The following CCDC57 variants were observed in gnomAD, a reference collection of about 807,000 sequenced individuals.
CCDC57 encodes coiled-coil domain-containing protein 57.
CCDC57 carries 118 observed loss-of-function variants against 118.9 expected under a neutral mutation model. The observed-to-expected ratio is 0.99, with a 90% CI of 0.86 to 1.16. CCDC57 has a LOEUF of 1.16. Ranked by LOEUF, CCDC57 falls within the 50% of genes most tolerant of loss-of-function variation. The pLI is 0.00. For synonymous variants in CCDC57, 527 were observed against 532.9 expected (o/e 0.99, Z 0.15); for missense variants, 1,300 against 1,320.7 (o/e 0.98, Z 0.24).
chr17:82,160,873 C>CAAAAAAAAAAAAAAAAAAAAAAAAAAAA, intron 14 of CCDC57, among the ~76,000 whole-genome samples: 1 of 60,868 alleles, frequency 1.6e-5, no homozygotes, highest in Non-Finnish European at 2.9e-5. Context: ...GACTCTGTCT[C>CAAAAAAAAAAAAAAAAAAAAAAAAAAAA]AAAAAAAAAA....
intron 16 of CCDC57, among the ~76,000 whole-genome samples, chr17:82,150,929 G>GCACACCCAGAACCTGGTA (rs2041907506): frequency 3.2e-5 from 1 of 31,508 alleles, no homozygotes; most frequent in Non-Finnish European, 5.9e-5. Context: ...AGAACCAGGC[G>GCACACCCAGAACCTGGTA]CACACCCAGA....
intron 13 of CCDC57, among the ~76,000 whole-genome samples, chr17:82,170,560 G>A (rs2044558898): frequency 6.6e-6 from 1 of 151,580 alleles, no homozygotes; most frequent in African/African-American, 2.4e-5. Context: ...ATGCAGCGGG[G>A]GAGGAGTCAC....
At chr17:82,151,893 C>T in intron 15 of CCDC57, 120 bp from the exon 15 acceptor site, 1 of 789,522 alleles carries the variant, frequency 1.3e-6, no homozygotes, top group Non-Finnish European at 2.0e-6. Flanking sequence ...CTGGCTGTCA[C>T]TGGGTGACAT....
chr17:82,212,268 G>A lies in CCDC57; in HGVS notation c.-211+517C>T, dbSNP rs1327705062. ...CCCAATAATTTTTGTATTTTTAGTA[G>A]AGAGGGGGTTTCACCATGTTGGCCA... is the stretch of plus-strand genomic sequence containing the variant. On this transcript the variant is annotated intron_variant, in intron 1 of 19. Transcript: ENST00000665763. The surrounding 1 kb of genome is among the most constrained non-coding windows in gnomAD (Gnocchi z 4.1). Among the ~76,000 whole-genome samples, 1 of 152,086 alleles carries A rather than the reference G, an allele frequency of 6.6e-6. No homozygotes were observed. Among genetic ancestry groups the A allele is most frequent in the Non-Finnish European group, 1.5e-5 (1 of 68,034 alleles).
chr17:82,123,492 G>T, intron 19 of CCDC57, among the ~76,000 whole-genome samples: 1 of 151,834 alleles, frequency 6.6e-6, no homozygotes, highest in Non-Finnish European at 1.5e-5. Context: ...GGTTATGAGG[G>T]ATGTTACATA....
At chr17:82,130,834 C>T (rs549686097) in intron 17 of CCDC57, among the ~76,000 whole-genome samples, 8 of 146,992 alleles carry the variant, frequency 5.4e-5, no homozygotes, top group African/African-American at 1.3e-4. Flanking sequence ...GGGTGGGGGA[C>T]GGAGTCTCAC....
intron 11 of CCDC57, among the ~76,000 whole-genome samples, chr17:82,173,271 ATAGT>A (rs1249485448): frequency 1.3e-5 from 2 of 152,202 alleles, no homozygotes; most frequent in Non-Finnish European, 2.9e-5. Context: ...GCACCAAAAA[ATAGT>A]TAAAGCAGCC....
At chr17:82,178,648 G>A (rs747810936) in intron 10 of CCDC57, 43 bp from the exon 10 acceptor site, 5 of 1,599,134 alleles carry the variant, frequency 3.1e-6, no homozygotes, top group African/African-American at 2.7e-5. Context: ...GGATGACCGG[G>A]CAGCTCCCAT....
At position 82,103,540 on chromosome 17, in the gene CCDC57, GA is replaced by G. The variant is rs558652922; in HGVS notation, c.2900-1675del. Among the ~76,000 whole-genome samples, 115 of 152,336 alleles carry G rather than the reference GA, an allele frequency of 7.5e-4. 3 individuals are homozygous for G. The East Asian group carries it at 0.02, about 27-fold the overall frequency. ...TCCCGTGGAAAGGGCTTCCTGCGGG[GA>G]AGCTGGTCCTCTGACCAGGCCCTAG... On this transcript the variant is annotated intron_variant, in intron 19 of 19. Transcript: ENST00000665763.
intron 16 of CCDC57, 76 bp from the exon 16 acceptor site, chr17:82,134,270 C>T (rs2044832832): frequency 1.6e-6 from 2 of 1,242,086 alleles, no homozygotes; most frequent in South Asian, 3.9e-5. Flanking sequence ...TGCAAACACT[C>T]AGAAAGAACA....
At position 82,163,305 on chromosome 17, in the gene CCDC57, T is replaced by C. The variant is rs751107199; in HGVS notation, c.1935A>G (p.Ala645=). 4 of 1,613,936 alleles carry C rather than the reference T, an allele frequency of 2.5e-6. No individual in the cohort carries two copies. The African/African-American group carries it at 4.0e-5, about 16-fold the overall frequency. The change falls in exon 14 of 20, where the codon GCA becomes GCG. Residue 645 remains alanine, a synonymous_variant. Coordinates refer to ENST00000665763, the Ensembl canonical transcript of CCDC57. Reference sequence around the variant, plus strand: ...CTGGGCCAGCTTGGACAGATCCTCCTGCTTGACCAGCTTGGACAGACCCTC... The same window carrying C: ...CTGGGCCAGCTTGGACAGATCCTCCCGCTTGACCAGCTTGGACAGACCCTC...
chr17:82,113,213 T>G lies in CCDC57; in HGVS notation c.2900-11347A>C, dbSNP rs2144946160. The G allele has an allele frequency of 6.7e-6, 4 of 599,908 alleles. No homozygotes were observed. In the East Asian group the frequency reaches 1.1e-4, roughly 17 times the overall value. The allele number at this position is 599,908 out of a possible 1,614,324, so 37.2% of individuals were successfully genotyped here. A position where few individuals can be genotyped will look rare whatever the true frequency, so the allele number is the denominator to read the frequency against. On this transcript the variant is annotated intron_variant, in intron 19 of 19. Transcript: ENST00000665763. Reference sequence around the variant, plus strand: ...TTTCAGAAGCCACAGGTCATGATAATCAGTGAAGGCGGGGGGCTGGGGTTG... The same window carrying G: ...TTTCAGAAGCCACAGGTCATGATAAGCAGTGAAGGCGGGGGGCTGGGGTTG...
rs971700262 is a variant in CCDC57 at position 82,107,069 on chromosome 17, C to T, written c.2900-5203G>A. Among the ~76,000 whole-genome samples, 15 of 152,204 alleles carry T rather than the reference C, an allele frequency of 9.9e-5. 1 individual carries two copies. The highest frequency in any genetic ancestry group is 8.5e-4 in the Admixed American group (13 of 15,286). ...GCGGACAGCTGGGAAGGAGGCCACA[C>T]GCTCCTCCAGGGAGCCTGGCTCTGC... On this transcript the variant is annotated intron_variant, in intron 19 of 19. Coordinates refer to ENST00000665763, the Ensembl canonical transcript of CCDC57.
At position 82,212,443 on chromosome 17, in the gene CCDC57, T is replaced by A. The variant is rs941641152; in HGVS notation, c.-211+342A>T. Among the ~76,000 whole-genome samples, 3 of 146,700 alleles carry A rather than the reference T, an allele frequency of 2.0e-5. No individual in the cohort carries two copies. The highest frequency in any genetic ancestry group is 7.6e-5 in the African/African-American group (3 of 39,602). On this transcript the variant is annotated intron_variant, in intron 1 of 19. Transcript: ENST00000665763. This position sits in a 1 kb window ranked among gnomAD's most constrained non-coding sequence, Gnocchi z 4.1. ...AACTCACAGACACTGTAAGGCTGCC[T>A]GGGCGCGGAGCCGTCCTTGCCGGCG...
intron 15 of CCDC57, among the ~76,000 whole-genome samples, chr17:82,153,268 C>T (rs574236811): frequency 2.0e-5 from 3 of 152,244 alleles, no homozygotes; most frequent in African/African-American, 4.8e-5. Context: ...CTCGCAAGTC[C>T]GGTTCTAAAA....
At chr17:82,128,951 C>T (rs1400577358) in intron 17 of CCDC57, among the ~76,000 whole-genome samples, 2 of 151,658 alleles carry the variant, frequency 1.3e-5, no homozygotes, top group Non-Finnish European at 1.5e-5. Flanking sequence ...CGGAGTCTTG[C>T]TCTGTCTCCC....
chr17:82,130,971 C>G (rs558951700), intron 17 of CCDC57, among the ~76,000 whole-genome samples: 2 of 151,308 alleles, frequency 1.3e-5, no homozygotes, highest in Non-Finnish European at 2.9e-5. Flanking sequence ...GCCACCATGC[C>G]TGGCTAATTT....
chr17:82,201,627 T>G, exon 3 of CCDC57: 1 of 1,613,790 alleles, frequency 6.2e-7, no homozygotes. Flanking sequence ...CCTCTCTGGC[T>G]AGCGCCTGCC....
At chr17:82,158,294 T>A (rs892061294) in intron 14 of CCDC57, among the ~76,000 whole-genome samples, 4 of 151,910 alleles carry the variant, frequency 2.6e-5, no homozygotes, top group African/African-American at 9.7e-5. Context: ...AAGTAACCGG[T>A]AGGAGGTGTT....
Sources: gnomAD v4.1 joint callset for allele counts (sites outside exome capture counted in the v4.1 genomes callset) on GRCh38, gnomAD v4.1.1 for gene constraint, Gnocchi (gnomAD v3.1) non-coding constraint, MANE v1.5 for transcripts, NCBI Gene and HGNC (gene_info 2026-07-23, HGNC 2026-07-21) for gene names.